GLDN: variants seen among roughly 807,000 people sequenced by gnomAD.
The protein encoded by GLDN is collomin.
Under a neutral mutation model 56.5 loss-of-function variants are expected in GLDN, and 47 were observed. The observed-to-expected ratio is 0.83, with a 90% CI of 0.66 to 1.06. GLDN has a LOEUF of 1.06. GLDN is among the 50% of genes least tolerant of loss of function. The pLI is 0.00. For synonymous variants in GLDN, 332 were observed against 278.8 expected (o/e 1.19, Z -1.90); for missense variants, 782 against 714.3 (o/e 1.09, Z -1.08).
At chr15:51,383,036 T>G (rs1294117593) in intron 2 of GLDN, among the ~76,000 whole-genome samples, 2 of 152,142 alleles carry the variant, frequency 1.3e-5, no homozygotes, top group Non-Finnish European at 2.9e-5. Context: ...TTACAGCACT[T>G]GGAGAACTCC....
rs779344623 is a variant in GLDN at position 51,404,398 on chromosome 15, C to G, written c.1300C>G (p.Leu434Val). 6.2e-7 allele frequency: 1 copy of G among 1,614,098 alleles called. No individual in the cohort carries two copies. Among genetic ancestry groups the G allele is most frequent in the Middle Eastern group, 1.6e-4 (1 of 6,062 alleles). The change falls in exon 10 of 10, where the codon CTT becomes GTT. Residue 434 changes from leucine to valine, a missense_variant. By Grantham distance (32) the Leu-to-Val change is conservative. Coordinates refer to ENST00000335449, the MANE Select transcript of GLDN (RefSeq NM_181789.4). ...CAATCTAGCTGTAGATGAAAAGGGC[C>G]TTTGGATTATCTATGCGTCAAGTGT... ...YFNLAVDEKG[L>V]WIIYASSVDG...
chr15:51,364,595 T>C (rs983776802), intron 1 of GLDN, among the ~76,000 whole-genome samples: 1 of 152,202 alleles, frequency 6.6e-6, no homozygotes, highest in African/African-American at 2.4e-5. Context: ...AGAGTTTGAG[T>C]TGGGTGGTTT....
At chr15:51,350,539 C>T (rs1044777846) in intron 1 of GLDN, among the ~76,000 whole-genome samples, 1 of 152,206 alleles carries the variant, frequency 6.6e-6, no homozygotes. Flanking sequence ...ACACTGTATG[C>T]TTTGTTCCCA....
Position 51,394,940 on chromosome 15 carries a change from A to C in GLDN, c.647A>C (p.Lys216Thr), listed in dbSNP as rs1234034156. The C allele has an allele frequency of 6.2e-7, 1 of 1,610,524 alleles. No homozygotes were observed. The highest frequency in any genetic ancestry group is 8.5e-7 in the Non-Finnish European group (1 of 1,178,550). The change falls in exon 5 of 10, where the codon AAG becomes ACG. Residue 216 changes from lysine to threonine, a missense_variant. Coordinates refer to ENST00000335449, the MANE Select transcript of GLDN (RefSeq NM_181789.4). ...GGCCCACCAGGGCAGAAGGGAGAAA[A>C]GGGTGACAAAGGAGATGTGTCCAAC... ...NEGPPGQKGEKGDKGDVSNDV... is the reference protein window; with the variant it reads ...NEGPPGQKGETGDKGDVSNDV...
chr15:51,396,403 A>C (rs1022220547), intron 5 of GLDN, among the ~76,000 whole-genome samples: 2 of 152,224 alleles, frequency 1.3e-5, no homozygotes, highest in Non-Finnish European at 2.9e-5. Flanking sequence ...TCAGGGGAAA[A>C]GCAGACAGTT....
chr15:51,391,742 A>G (rs899124507), intron 4 of GLDN, among the ~76,000 whole-genome samples: 1 of 152,182 alleles, frequency 6.6e-6, no homozygotes. Flanking sequence ...TCAAAGAGGC[A>G]TGATTTGACC....
At chr15:51,370,020 G>T (rs924223431) in intron 1 of GLDN, among the ~76,000 whole-genome samples, 1 of 152,166 alleles carries the variant, frequency 6.6e-6, no homozygotes, top group African/African-American at 2.4e-5. Context: ...GGAGGCTGAG[G>T]CAGGAGGATC....
In GLDN at chr15:51,404,348, T is replaced by C; in HGVS notation, c.1250T>C (p.Leu417Pro). 6.2e-7 allele frequency: 1 copy of C among 1,613,706 alleles called. No individual in the cohort carries two copies. Among genetic ancestry groups the C allele is most frequent in the Non-Finnish European group, 8.5e-7 (1 of 1,179,920 alleles). ...GCCTTGTATTTTGATCGAAAATACC[T>C]TTTTGCAAATTCCAAAACTTACTTC... ...ENALYFDRKY[L>P]FANSKTYFNL... Residue 417 changes from leucine (L) to proline (P), a missense_variant, in exon 10 of 10, where the codon CTT (leucine) becomes CCT (proline). Physicochemically the swap from Leu to Pro is moderately conservative, Grantham distance 98. Transcript: ENST00000335449.
At chr15:51,367,298 A>C (rs1357567310) in intron 1 of GLDN, 1 of 152,178 alleles carries the variant, frequency 6.6e-6, no homozygotes, top group Non-Finnish European at 1.5e-5. Context: ...CAAAGCCCTG[A>C]TTTCAACTGA....
chr15:51,367,844 G>A (rs1230444534), intron 1 of GLDN, among the ~76,000 whole-genome samples: 1 of 152,148 alleles, frequency 6.6e-6, no homozygotes, highest in Non-Finnish European at 1.5e-5. Context: ...TAGTGTGAAA[G>A]GCTTGTGTAT....
intron 1 of GLDN, among the ~76,000 whole-genome samples, chr15:51,365,514 A>G (rs188401057): frequency 6.6e-6 from 1 of 152,292 alleles, no homozygotes; most frequent in African/African-American, 2.4e-5. Context: ...TCTGTGAGGC[A>G]GTCATTATTA....
intron 6 of GLDN, among the ~76,000 whole-genome samples, chr15:51,399,874 C>T (rs1201761226): frequency 6.6e-6 from 1 of 152,226 alleles, no homozygotes; most frequent in Non-Finnish European, 1.5e-5. Context: ...CCTCTCATTT[C>T]CCCAAATTGC....
At chr15:51,401,527 G>A (rs2038248843) in intron 8 of GLDN, 66 bp from the exon 9 acceptor site, 1 of 1,466,472 alleles carries the variant, frequency 6.8e-7, no homozygotes, top group Admixed American at 1.8e-5. Flanking sequence ...TTCCTCCCAA[G>A]GACTCCCTCC....
At chr15:51,382,308 T>G (rs2037781288) in intron 2 of GLDN, among the ~76,000 whole-genome samples, 1 of 151,860 alleles carries the variant, frequency 6.6e-6, no homozygotes, top group African/African-American at 2.4e-5. Flanking sequence ...TTTCAAAGAG[T>G]CCATCTTTCC....
At chr15:51,361,650 G>A (rs773541368) in intron 1 of GLDN, among the ~76,000 whole-genome samples, 3 of 152,156 alleles carry the variant, frequency 2.0e-5, no homozygotes, top group Non-Finnish European at 4.4e-5. Context: ...AAGAAACAGC[G>A]TGAACAAAAC....
intron 1 of GLDN, among the ~76,000 whole-genome samples, chr15:51,353,241 C>CAA (rs1368826522): frequency 8.5e-4 from 129 of 152,282 alleles, no homozygotes; most frequent in African/African-American, 3.0e-3. Flanking sequence ...TTTCCTAGCC[C>CAA]CCTCTGCCTG....
chr15:51,355,671 G>A (rs796213523), intron 1 of GLDN, among the ~76,000 whole-genome samples: 4 of 150,736 alleles, frequency 2.7e-5, no homozygotes, highest in East Asian at 2.0e-4. Context: ...CCACAGGCAC[G>A]CACCAACACA....
At chr15:51,389,095 G>T (rs2037961987) in intron 4 of GLDN, among the ~76,000 whole-genome samples, 1 of 152,234 alleles carries the variant, frequency 6.6e-6, no homozygotes, top group Admixed American at 6.5e-5. Context: ...CCCCTTACTG[G>T]CCCTGAGGCC....
chr15:51,353,111 C>A (rs1193454279), intron 1 of GLDN, among the ~76,000 whole-genome samples: 1 of 152,204 alleles, frequency 6.6e-6, no homozygotes, highest in Non-Finnish European at 1.5e-5. Flanking sequence ...GCTGGCACCA[C>A]CAACACCAAT....
Sources: allele counts gnomAD v4.1 joint callset (sites outside exome capture counted in the v4.1 genomes callset), GRCh38; gene constraint gnomAD v4.1.1; transcripts MANE v1.5; gene names NCBI Gene and HGNC (gene_info 2026-07-23, HGNC 2026-07-21).